KMT2E: variants seen among roughly 807,000 people sequenced by gnomAD.
KMT2E encodes histone reader KMT2E.
In KMT2E, 30 loss-of-function variants were observed where a neutral mutation model predicts 184.6. The ratio of observed to expected loss-of-function variants is 0.16; its 90% CI spans 0.12 to 0.22. KMT2E has a LOEUF of 0.22. Ranked by LOEUF, KMT2E falls within the 10% of genes least tolerant of loss-of-function variation. The probability of loss-of-function intolerance (pLI) is 1.00; values close to 1 mark genes in which losing one functional copy is unlikely to be tolerated. For missense variants in KMT2E, 2,023 were observed against 2,237.4 expected (o/e 0.90, Z 1.93); for synonymous variants, 815 against 776.5 (o/e 1.05, Z -0.82).
intron 12 of KMT2E, 109 bp downstream of exon 12, chr7:105,079,072 G>A (rs1035368204): frequency 1.6e-6 from 1 of 625,712 alleles, no homozygotes; most frequent in Admixed American, 2.5e-5. Context: ...TCCACCTGTT[G>A]GTGCATTTTA....
rs762248188 is a variant in KMT2E, at chr7:105,077,169, T to C, written c.975T>C (p.Asn325=). The C allele has an allele frequency of 6.2e-7, 1 of 1,613,896 alleles. No homozygotes were observed. The highest frequency in any genetic ancestry group is 8.5e-7 in the Non-Finnish European group (1 of 1,179,862). Residue 325 remains asparagine (N), a synonymous_variant, in exon 10 of 27, where the codon AAT becomes AAC. Coordinates refer to ENST00000311117, the MANE Select transcript of KMT2E (RefSeq NM_182931.3). ...ATAAATCCGATTTGAATACCAACAA[T>C]TTGCTCTTCAAACCTCCTGTAGAGG... ...EMNKSDLNTN[N]LLFKPPVESH...
chr7:105,072,068 T>G (rs1329585978), intron 6 of KMT2E, among the ~76,000 whole-genome samples: 2 of 151,734 alleles, frequency 1.3e-5, no homozygotes, highest in Admixed American at 1.3e-4. Context: ...TCCCAGCACT[T>G]TGGGGGAGGC....
chr7:105,062,306 A>C (rs367996803), intron 4 of KMT2E, 28 bp downstream of exon 4: 1 of 1,465,280 alleles, frequency 6.8e-7, no homozygotes, highest in East Asian at 2.3e-5. Flanking sequence ...CTTTGAAAAA[A>C]CATTTTTAAA....
At chr7:105,056,100 A>G (rs1296897572) in intron 3 of KMT2E, among the ~76,000 whole-genome samples, 1 of 152,174 alleles carries the variant, frequency 6.6e-6, no homozygotes, top group East Asian at 1.9e-4. Flanking sequence ...TTGTTTAATC[A>G]GTGCTATCAA....
Position 105,110,811 on chromosome 7 carries a change from A to G in KMT2E, c.4011A>G (p.Glu1337=), listed in dbSNP as rs1432604689. The G allele has an allele frequency of 6.2e-7, 1 of 1,614,128 alleles. No homozygotes were observed. The highest frequency in any genetic ancestry group is 8.5e-7 in the Non-Finnish European group (1 of 1,179,964). The change falls in exon 26 of 27, where the codon GAA becomes GAG. Residue 1337 remains glutamate (E), a synonymous_variant. Coordinates refer to ENST00000311117, the MANE Select transcript of KMT2E (RefSeq NM_182931.3). The stretch of plus-strand genomic sequence containing the variant: ...ATCCAGAACCCACAACTACGAATGA[A>G]TGTCCATCCCCAGATACTTCTCAAA... The part of the protein sequence containing the change: ...PENPEPTTTN[E]CPSPDTSQNT...
At chr7:105,106,123 A>C (rs887966273) in intron 19 of KMT2E, 120 bp downstream of exon 19, 30 of 1,029,226 alleles carry the variant, frequency 2.9e-5, no homozygotes, top group African/African-American at 3.2e-5. Context: ...ATTGGTGTAT[A>C]GATTTTCTCT....
At position 105,073,899 on chromosome 7, in the gene KMT2E, G is replaced by T. The variant is rs536090751; in HGVS notation, c.556+222G>T. Reference sequence around the variant, plus strand: ...GTACTTTGGGAAATAAAATGGAAATGAGAGGAAAATAAATAATTTAAATCA... The same window carrying T: ...GTACTTTGGGAAATAAAATGGAAATTAGAGGAAAATAAATAATTTAAATCA... On this transcript the variant is annotated intron_variant, in intron 7 of 26. Coordinates refer to ENST00000311117, the MANE Select transcript of KMT2E (RefSeq NM_182931.3). Among the ~76,000 whole-genome samples, 5 of 152,102 alleles carry T rather than the reference G, an allele frequency of 3.3e-5. No homozygotes were observed. The South Asian group carries it at 1.0e-3, about 32-fold the overall frequency.
Position 105,102,134 on chromosome 7 carries a change from T to G in KMT2E, c.2136T>G (p.Ile712Met), listed in dbSNP as rs1346568034. Residue 712 changes from isoleucine (I) to methionine (M), a missense_variant, in exon 17 of 27, where the codon ATT (isoleucine) becomes ATG (methionine). Physicochemically the swap from Ile to Met is conservative, Grantham distance 10. Transcript: ENST00000311117. Reference protein sequence around the residue: ...PETETALAEIITETEVPALNK... With the variant: ...PETETALAEIMTETEVPALNK... ...CTGAAACTGCACTAGCAGAAATAATTACTGAAACTGAAGTTCCAGCACTTA... is the reference window on the plus strand; with the variant it reads ...CTGAAACTGCACTAGCAGAAATAATGACTGAAACTGAAGTTCCAGCACTTA... 3.1e-6 allele frequency: 5 copies of G among 1,612,568 alleles called. No homozygotes were observed. The highest frequency in any genetic ancestry group is 1.7e-5 in the Admixed American group (1 of 59,790).
intron 20 of KMT2E, 93 bp from the exon 21 acceptor site, chr7:105,107,071 CTG>C (rs1362878427): frequency 1.5e-5 from 11 of 736,048 alleles, no homozygotes; most frequent in East Asian, 2.8e-5. Flanking sequence ...AAACTAAAGT[CTG>C]TATATTTTTC....
At chr7:105,042,566 AT>A (rs1184916764) in intron 3 of KMT2E, among the ~76,000 whole-genome samples, 1 of 152,188 alleles carries the variant, frequency 6.6e-6, no homozygotes, top group African/African-American at 2.4e-5. Context: ...CACATAATTA[AT>A]AAAAGGTAGA....
rs1799044975 is a variant in KMT2E, at chr7:105,108,974, T to G, written c.3501T>G (p.Arg1167=). ...TATTAGAATACCGTAAGAGACAACG[T>G]GAAGCTAGGAAAAGTGGCTCTAAGA... ...VSLLEYRKRQ[R]EARKSGSKTE... Residue 1167 remains arginine, a synonymous_variant, in exon 23 of 27, where the codon CGT becomes CGG. Transcript: ENST00000311117. 6.2e-7 allele frequency: 1 copy of G among 1,613,108 alleles called. No homozygotes were observed. The highest frequency in any genetic ancestry group is 8.5e-7 in the Non-Finnish European group (1 of 1,179,126).
At chr7:105,048,596 A>T (rs1212216219) in intron 3 of KMT2E, among the ~76,000 whole-genome samples, 3 of 152,196 alleles carry the variant, frequency 2.0e-5, no homozygotes, top group Non-Finnish European at 4.4e-5. Flanking sequence ...TGTTATTGAA[A>T]ATCCTCTTTT....
intron 1 of KMT2E, among the ~76,000 whole-genome samples, chr7:105,031,544 G>A (rs746050087): frequency 3.3e-5 from 5 of 151,830 alleles, no homozygotes; most frequent in Admixed American, 2.6e-4. Context: ...TTGAGGTCAG[G>A]AGTTTGAAAC....
In KMT2E at chr7:105,041,495, G is replaced by A. The variant is rs149328536; in HGVS notation, c.71+472G>A. On this transcript the variant is annotated intron_variant, in intron 3 of 26. Transcript: ENST00000311117. ...CAGCTCATTGCAACCTCTGCCTCCC[G>A]GGTTCAAGCAATTCTCCTGCCTCAG... 1.7e-3 allele frequency among the ~76,000 whole-genome samples: 266 copies of A among 152,120 alleles called. 1 individual carries two copies. The highest frequency in any genetic ancestry group is 6.0e-3 in the African/African-American group (248 of 41,510).
At chr7:105,048,540 A>G (rs1310750284) in intron 3 of KMT2E, among the ~76,000 whole-genome samples, 2 of 149,012 alleles carry the variant, frequency 1.3e-5, no homozygotes, top group African/African-American at 5.1e-5. Flanking sequence ...ACATTTTCTC[A>G]TTTTTAAATT....
chr7:105,062,046 G>A, intron 3 of KMT2E, 118 bp from the exon 4 acceptor site: 1 of 691,320 alleles, frequency 1.4e-6, no homozygotes. Context: ...CCTGCTGTAA[G>A]TAGATACTGT....
chr7:105,050,494 G>T (rs1223901054), intron 3 of KMT2E, among the ~76,000 whole-genome samples: 2 of 152,050 alleles, frequency 1.3e-5, no homozygotes, highest in African/African-American at 4.8e-5. Context: ...TTTATGTCCA[G>T]TCATAATCTT....
intron 17 of KMT2E, chr7:105,103,957 A>G (rs1798782190): frequency 6.7e-6 from 1 of 150,140 alleles, no homozygotes; most frequent in African/African-American, 2.5e-5. Context: ...CCTCCTGAGT[A>G]GCTGGACTAC....
At chr7:105,055,626 C>G (rs1796546444) in intron 3 of KMT2E, among the ~76,000 whole-genome samples, 1 of 152,204 alleles carries the variant, frequency 6.6e-6, no homozygotes, top group South Asian at 2.1e-4. Context: ...TAACATCTTG[C>G]ACTACAGGTA....
Sources: gnomAD v4.1 joint callset for allele counts (sites outside exome capture counted in the v4.1 genomes callset) on GRCh38, gnomAD v4.1.1 for gene constraint, MANE v1.5 for transcripts, NCBI Gene and HGNC (gene_info 2026-07-23, HGNC 2026-07-21) for gene names.